The following DCLK2 variants were observed in gnomAD, a reference collection of about 807,000 sequenced individuals.
The protein encoded by DCLK2 is serine/threonine-protein kinase DCLK2.
In DCLK2, 31 loss-of-function variants were observed where a neutral mutation model predicts 78.4. The observed-to-expected ratio is 0.40, with a 90% CI of 0.30 to 0.53. DCLK2 has a LOEUF of 0.53. Ranked by LOEUF, DCLK2 falls within the 20% of genes least tolerant of loss-of-function variation. DCLK2 has a pLI of 0.61. For missense variants in DCLK2, 872 were observed against 973.7 expected, an observed-to-expected ratio of 0.90 and a Z score of 1.39; for synonymous variants, 407 against 374.9, an observed-to-expected ratio of 1.09 and a Z score of -0.99.
chr4:150,135,750 G>T (rs1367290894), intron 2 of DCLK2, among the ~76,000 whole-genome samples: 2 of 152,202 alleles, frequency 1.3e-5, no homozygotes, highest in Non-Finnish European at 2.9e-5. Context: ...TTCCAGTGTG[G>T]CAAGGCAGAT....
At chr4:150,208,778 T>C (rs1740059967) in intron 5 of DCLK2, among the ~76,000 whole-genome samples, 1 of 152,224 alleles carries the variant, frequency 6.6e-6, no homozygotes, top group Admixed American at 6.5e-5. Context: ...CTGTCCACAC[T>C]GTGCCCATTA....
At chr4:150,222,105 C>A (rs1349955016) in intron 7 of DCLK2, among the ~76,000 whole-genome samples, 1 of 152,018 alleles carries the variant, frequency 6.6e-6, no homozygotes, top group Non-Finnish European at 1.5e-5. Context: ...GATTCTCCCA[C>A]CTCAGCCTCC....
intron 10 of DCLK2, among the ~76,000 whole-genome samples, chr4:150,235,457 C>T (rs980259214): frequency 2.6e-5 from 4 of 152,192 alleles, no homozygotes; most frequent in South Asian, 2.1e-4. Context: ...TCACACTCCT[C>T]ATTGAGTCTC....
At chr4:150,182,613 G>T (rs1463096560) in intron 2 of DCLK2, among the ~76,000 whole-genome samples, 1 of 152,018 alleles carries the variant, frequency 6.6e-6, no homozygotes, top group African/African-American at 2.4e-5. Context: ...TTAAAAAGTT[G>T]TATTTCTGCT....
chr4:150,138,831 A>G (rs1211097328), intron 2 of DCLK2, among the ~76,000 whole-genome samples: 1 of 151,930 alleles, frequency 6.6e-6, no homozygotes, highest in Non-Finnish European at 1.5e-5. Flanking sequence ...ATGCCCAGCT[A>G]ATTTTTGTAT....
intron 2 of DCLK2, among the ~76,000 whole-genome samples, chr4:150,173,062 T>C (rs1008579237): frequency 6.6e-6 from 1 of 152,116 alleles, no homozygotes; most frequent in African/African-American, 2.4e-5. Flanking sequence ...TTCTGAATTC[T>C]GTTGACTTTC....
intron 10 of DCLK2, among the ~76,000 whole-genome samples, chr4:150,234,604 G>A (rs1355389419): frequency 6.6e-6 from 1 of 152,128 alleles, no homozygotes; most frequent in Non-Finnish European, 1.5e-5. Context: ...CAGAGTACCC[G>A]TCTTTTCTTT....
At chr4:150,080,236 A>G (rs1729155305) in intron 1 of DCLK2, among the ~76,000 whole-genome samples, 1 of 152,228 alleles carries the variant, frequency 6.6e-6, no homozygotes, top group Middle Eastern at 3.4e-3. Context: ...CTCTAATAAG[A>G]GTACCTAATT....
intron 2 of DCLK2, among the ~76,000 whole-genome samples, chr4:150,184,055 G>A (rs1271553652): frequency 2.0e-5 from 3 of 152,150 alleles, no homozygotes; most frequent in South Asian, 2.1e-4. Flanking sequence ...CAATCATTAT[G>A]CATTCAACAG....
intron 2 of DCLK2, among the ~76,000 whole-genome samples, chr4:150,184,601 CTTT>C (rs746012032): frequency 2.3e-5 from 1 of 43,976 alleles, no homozygotes; most frequent in Non-Finnish European, 3.7e-5. Context: ...TCTTCTTCTT[CTTT>C]TTTTTTTTTT....
intron 8 of DCLK2, among the ~76,000 whole-genome samples, chr4:150,225,746 G>T (rs557827130): frequency 6.6e-6 from 1 of 152,280 alleles, no homozygotes; most frequent in Admixed American, 6.5e-5. Flanking sequence ...TTTTTAATGT[G>T]GTTCTTGGTT....
At chr4:150,093,491 C>T (rs76321555) in intron 1 of DCLK2, among the ~76,000 whole-genome samples, 1,626 of 152,342 alleles carry the variant, frequency 0.011, 7 homozygotes, top group Middle Eastern at 0.02. Flanking sequence ...AAGCTATTCT[C>T]GTGCCTCAGT....
intron 1 of DCLK2, among the ~76,000 whole-genome samples, chr4:150,085,961 C>T (rs1729607888): frequency 6.6e-6 from 1 of 152,178 alleles, no homozygotes; most frequent in Admixed American, 6.5e-5. Flanking sequence ...GATTTTGGCT[C>T]TATCTGGCTC....
chr4:150,203,416 G>C (rs142095832), intron 4 of DCLK2, among the ~76,000 whole-genome samples: 3 of 152,256 alleles, frequency 2.0e-5, no homozygotes, highest in African/African-American at 7.2e-5. Flanking sequence ...CAAGATAGTG[G>C]ATATTGAAGG....
intron 2 of DCLK2, among the ~76,000 whole-genome samples, chr4:150,163,690 G>A (rs1167844236): frequency 6.6e-6 from 1 of 152,156 alleles, no homozygotes; most frequent in Non-Finnish European, 1.5e-5. Flanking sequence ...GTAAACATTA[G>A]TTATTAAGCA....
At chr4:150,179,758 A>G (rs1321641954) in intron 2 of DCLK2, among the ~76,000 whole-genome samples, 1 of 152,224 alleles carries the variant, frequency 6.6e-6, no homozygotes, top group Admixed American at 6.5e-5. Flanking sequence ...ATTGAAAGTA[A>G]TGATAAAAAC....
intron 2 of DCLK2, among the ~76,000 whole-genome samples, chr4:150,160,879 C>T (rs1340906552): frequency 1.3e-5 from 2 of 152,150 alleles, no homozygotes; most frequent in Non-Finnish European, 2.9e-5. Flanking sequence ...ATAATTAAAG[C>T]TCCAGAGAGG....
intron 1 of DCLK2, among the ~76,000 whole-genome samples, chr4:150,097,084 G>A (rs1390126993): frequency 1.3e-5 from 2 of 152,038 alleles, no homozygotes; most frequent in African/African-American, 4.8e-5. Flanking sequence ...TCACTGAAAG[G>A]AAAAGGACGT....
At chr4:150,116,959 T>A (rs1163126252) in intron 2 of DCLK2, among the ~76,000 whole-genome samples, 3 of 152,166 alleles carry the variant, frequency 2.0e-5, no homozygotes, top group Non-Finnish European at 4.4e-5. Flanking sequence ...CCATATGTTA[T>A]CCAGGGGAGA....
Sources: gnomAD v4.1 joint callset for allele counts (sites outside exome capture counted in the v4.1 genomes callset) on GRCh38, gnomAD v4.1.1 for gene constraint, MANE v1.5 for transcripts, NCBI Gene and HGNC (gene_info 2026-07-23, HGNC 2026-07-21) for gene names.